Variants in NUDT13 observed in about 807,000 individuals in gnomAD.
NUDT13 encodes NAD(P)H pyrophosphatase NUDT13, mitochondrial.
A neutral mutation model predicts 41.7 loss-of-function variants in NUDT13; 40 were observed. The observed-to-expected ratio is 0.96, with a 90% CI of 0.75 to 1.25. The LOEUF (loss-of-function observed/expected upper bound fraction) is 1.25, where lower values mean the gene tolerates loss of function less well. Among genes scored for constraint, NUDT13 ranks in the 50% most tolerant of loss-of-function variants. The pLI, the probability that NUDT13 is intolerant of heterozygous loss-of-function variation, is 0.00. For missense variants in NUDT13, 390 were observed against 416.1 expected, an observed-to-expected ratio of 0.94 and a Z score of 0.55; for synonymous variants, 145 against 155.5, an observed-to-expected ratio of 0.93 and a Z score of 0.50.
At chr10:73,122,961 C>T (rs1251064327) in intron 4 of NUDT13, among the ~76,000 whole-genome samples, 1 of 148,426 alleles carries the variant, frequency 6.7e-6, no homozygotes, top group Non-Finnish European at 1.5e-5. Flanking sequence ...AGTGCAATGG[C>T]GCGATCTCGG....
intron 8 of NUDT13, among the ~76,000 whole-genome samples, chr10:73,127,248 A>G (rs1010988210): frequency 6.6e-6 from 1 of 151,978 alleles, no homozygotes; most frequent in African/African-American, 2.4e-5. Context: ...GCATGGTGGC[A>G]GGTGCCTGTA....
At chr10:73,112,527 G>C (rs1454953210) in intron 1 of NUDT13, among the ~76,000 whole-genome samples, 1 of 150,806 alleles carries the variant, frequency 6.6e-6, no homozygotes, top group Non-Finnish European at 1.5e-5. Flanking sequence ...TATACTTTTT[G>C]ACAAAAAAAG....
Position 73,128,392 on chromosome 10 carries a change from G to A in NUDT13, c.858+1565G>A, listed in dbSNP as rs534329870. Among the ~76,000 whole-genome samples, 3 of 152,132 alleles carry A rather than the reference G, an allele frequency of 2.0e-5. No individual in the cohort carries two copies. The South Asian group carries it at 6.2e-4, about 32-fold the overall frequency. On this transcript the variant is annotated intron_variant, in intron 8 of 8. Transcript: ENST00000357321. ...ACATCCTTACCAATACTTGCTGTCC[G>A]TTGTACTTTTTTAATGGTAGCCATT...
intron 3 of NUDT13, among the ~76,000 whole-genome samples, chr10:73,120,687 C>A (rs1842623543): frequency 6.6e-6 from 1 of 152,090 alleles, no homozygotes; most frequent in South Asian, 2.1e-4. Flanking sequence ...GCCTGTAATC[C>A]CAGCACTTTG....
intron 4 of NUDT13, 142 bp from the exon 5 acceptor site, chr10:73,124,072 G>T (rs189492195): frequency 2.4e-5 from 15 of 612,966 alleles, no homozygotes; most frequent in Non-Finnish European, 4.4e-5. Flanking sequence ...GAGTAGCTGG[G>T]ACTACAGGCA....
intron 8 of NUDT13, among the ~76,000 whole-genome samples, chr10:73,129,672 C>CT (rs995185886): frequency 1.4e-5 from 2 of 140,560 alleles, no homozygotes; most frequent in African/African-American, 5.8e-5. Flanking sequence ...AACCCTTACC[C>CT]TTTAAAAAAA....
At position 73,122,241 on chromosome 10, in the gene NUDT13, G is replaced by C; in HGVS notation, c.290G>C (p.Gly97Ala). 5 of 1,614,132 alleles carry C rather than the reference G, an allele frequency of 3.1e-6. No individual in the cohort carries two copies. The highest frequency in any genetic ancestry group is 4.2e-6 in the Non-Finnish European group (5 of 1,179,994). Residue 97 changes from glycine to alanine, a missense_variant, in exon 4 of 9, where the codon GGA (glycine) becomes GCA (alanine). Transcript: ENST00000357321. ...AQRIEDSVLIGCSEQQEAWFA... is the reference protein window; with the variant it reads ...AQRIEDSVLIACSEQQEAWFA... ...AGAATAGAAGATTCTGTGCTGATTG[G>C]ATGCTCTGAGCAGCAGGAAGCATGG...
In NUDT13 at chr10:73,124,962, C is replaced by T. The variant is rs191362279; in HGVS notation, c.466-156C>T. On this transcript the variant is annotated intron_variant, in intron 5 of 8. Coordinates refer to ENST00000357321, the MANE Select transcript of NUDT13 (RefSeq NM_015901.6). ...TAGAGGAATATGTTCAGTTAGTTTACTTGTCCTGAAATTTAAACAGTAACC... is the reference window on the plus strand; with the variant it reads ...TAGAGGAATATGTTCAGTTAGTTTATTTGTCCTGAAATTTAAACAGTAACC... 57 of 720,888 alleles carry T rather than the reference C, an allele frequency of 7.9e-5. No individual in the cohort carries two copies. In the East Asian group the frequency reaches 1.5e-3, roughly 19 times the overall value. The allele number at this position is 720,888 out of a possible 1,614,324, so 44.7% of individuals were successfully genotyped here. A position where few individuals can be genotyped will look rare whatever the true frequency, so the allele number is the denominator to read the frequency against.
At position 73,120,136 on chromosome 10, in the gene NUDT13, G is replaced by T. The variant is rs764695752; in HGVS notation, c.202G>T (p.Ala68Ser). ...LLQTSAHQYL[A>S]PRHSLLELER... ...TCAGACTTCAGCACATCAATACCTG[G>T]CCCCCCGGCACAGCCTGTTAGGTAA... is the stretch of plus-strand genomic sequence containing the variant. Residue 68 changes from alanine (A) to serine (S), a missense_variant, in exon 3 of 9, where the codon GCC (alanine) becomes TCC (serine). Physicochemically the swap from Ala to Ser is moderately conservative, Grantham distance 99. Coordinates refer to ENST00000357321, the MANE Select transcript of NUDT13 (RefSeq NM_015901.6). The T allele has an allele frequency of 1.2e-6, 2 of 1,613,948 alleles. No individual in the cohort carries two copies. Among genetic ancestry groups the T allele is most frequent in the African/African-American group, 2.7e-5 (2 of 74,888 alleles).
chr10:73,126,830 A>G lies in NUDT13; in HGVS notation c.858+3A>G, dbSNP rs747578557. On this transcript the variant is annotated splice_donor_region_variant and intron_variant, in intron 8 of 8. Transcript: ENST00000357321. The stretch of plus-strand genomic sequence containing the variant: ...CTGTGAAACCAGGGCAGACAGAAGT[A>G]AGTTCTCATCTTCCCTTATACTGTG... The G allele has an allele frequency of 4.3e-6, 7 of 1,613,592 alleles. No individual in the cohort carries two copies. The Admixed American group carries it at 1.2e-4, about 27-fold the overall frequency.
At chr10:73,129,601 G>A (rs1322040020) in intron 8 of NUDT13, among the ~76,000 whole-genome samples, 1 of 151,548 alleles carries the variant, frequency 6.6e-6, no homozygotes, top group Non-Finnish European at 1.5e-5. Flanking sequence ...CAGCTTCCTT[G>A]GGATGAAGTT....
In NUDT13 at chr10:73,125,469, C is replaced by T. The variant is rs1328629422; in HGVS notation, c.663C>T (p.Pro221=). 6.2e-7 allele frequency: 1 copy of T among 1,611,092 alleles called. No individual in the cohort carries two copies. Among genetic ancestry groups the T allele is most frequent in the Non-Finnish European group, 8.5e-7 (1 of 1,178,894 alleles). ...RCLLARQSSF[P]KGMYSALAGF... ...TGCTTGCCCGCCAAAGCTCCTTTCC[C>T]AAGGGAATGTATTCTGCCTTGGCAG... The change falls in exon 7 of 9, where the codon CCC becomes CCT. Residue 221 remains proline, a synonymous_variant. Coordinates refer to ENST00000357321, the MANE Select transcript of NUDT13 (RefSeq NM_015901.6).
intron 5 of NUDT13, chr10:73,124,909 T>C (rs1842733167): frequency 2.0e-6 from 1 of 491,510 alleles, no homozygotes; most frequent in Non-Finnish European, 3.5e-6. Flanking sequence ...TTTAAAAATA[T>C]GCTTTCTTTT....
At position 73,119,534 on chromosome 10, in the gene NUDT13, TTGA is replaced by T. The variant is rs2133211646; in HGVS notation, c.84-481_84-479del. ...GTTCCCATCTCTAGGTATTTTGTGG[TTGA>T]TGTTTTATCACTGTACTTGTTTTCC... On this transcript the variant is annotated intron_variant, in intron 2 of 8. Transcript: ENST00000357321. 3 of 964,046 alleles carry T rather than the reference TTGA, an allele frequency of 3.1e-6. No individual in the cohort carries two copies. The South Asian group carries it at 1.4e-4, about 46-fold the overall frequency. The allele number at this position is 964,046 out of a possible 1,614,324, so 59.7% of individuals were successfully genotyped here. A position where few individuals can be genotyped will look rare whatever the true frequency, so the allele number is the denominator to read the frequency against.
chr10:73,124,960 T>A, intron 5 of NUDT13, 158 bp from the exon 6 acceptor site: 1 of 705,396 alleles, frequency 1.4e-6, no homozygotes, highest in Non-Finnish European at 2.2e-6. Flanking sequence ...TCAGTTAGTT[T>A]ACTTGTCCTG....
At position 73,130,491 on chromosome 10, in the gene NUDT13, C is replaced by T. The variant is rs113741122; in HGVS notation, c.859-212C>T. ...AAAAAAAAATATATATATATATACA[C>T]ACACACACACACACATATAAAACTC... On this transcript the variant is annotated intron_variant, in intron 8 of 8. Coordinates refer to ENST00000357321, the MANE Select transcript of NUDT13 (RefSeq NM_015901.6). The T allele has an allele frequency of 1.0e-3, 344 of 334,686 alleles. 3 individuals carry two copies. The highest frequency in any genetic ancestry group is 6.5e-3 in the African/African-American group (301 of 45,964). 20.7% of individuals were successfully genotyped at this position (334,686 alleles called of 1,614,324 possible).
chr10:73,112,529 C>CA (rs560262761), intron 1 of NUDT13, among the ~76,000 whole-genome samples: 5 of 150,528 alleles, frequency 3.3e-5, no homozygotes, highest in African/African-American at 7.3e-5. Context: ...TACTTTTTGA[C>CA]AAAAAAAGTA....
At chr10:73,112,621 C>T (rs898469379) in intron 1 of NUDT13, among the ~76,000 whole-genome samples, 2 of 151,670 alleles carry the variant, frequency 1.3e-5, no homozygotes, top group African/African-American at 4.8e-5. Context: ...ATATATTCAT[C>T]ACCTCACATT....
chr10:73,112,295 G>T (rs1306242773), intron 1 of NUDT13, among the ~76,000 whole-genome samples: 1 of 152,102 alleles, frequency 6.6e-6, no homozygotes, highest in Non-Finnish European at 1.5e-5. Flanking sequence ...GGAGGTTGCG[G>T]TGAGCCGAGA....
Sources: gnomAD v4.1 joint callset for allele counts (sites outside exome capture counted in the v4.1 genomes callset) on GRCh38, gnomAD v4.1.1 for gene constraint, MANE v1.5 for transcripts, NCBI Gene and HGNC (gene_info 2026-07-23, HGNC 2026-07-21) for gene names.